Variants in SERINC5 observed in about 807,000 individuals in gnomAD.
SERINC5 encodes the protein serine incorporator 5, also known as chromosome 5 open reading frame 12.
In SERINC5, 41 loss-of-function variants were observed where a neutral mutation model predicts 63.1. The ratio of observed to expected loss-of-function variants is 0.65; its 90% CI spans 0.51 to 0.84. SERINC5 has a LOEUF of 0.84. Among genes scored for constraint, SERINC5 ranks in the 40% least tolerant of loss-of-function variants. SERINC5 has a pLI of 0.00. For synonymous variants in SERINC5, 222 were observed against 215.2 expected (o/e 1.03, Z -0.28); for missense variants, 523 against 573.0 (o/e 0.91, Z 0.89).
chr5:80,222,614 C>G (rs1164768965), intron 1 of SERINC5, among the ~76,000 whole-genome samples: 1 of 150,136 alleles, frequency 6.7e-6, no homozygotes, highest in African/African-American at 2.5e-5. Context: ...CTCTTGTTGT[C>G]CAGGCTGGAG....
At chr5:80,215,817 A>G (rs1750633734) in intron 1 of SERINC5, among the ~76,000 whole-genome samples, 1 of 152,196 alleles carries the variant, frequency 6.6e-6, no homozygotes, top group African/African-American at 2.4e-5. Flanking sequence ...GGGCAAGAAG[A>G]GGCTATGAAC....
intron 1 of SERINC5, among the ~76,000 whole-genome samples, chr5:80,225,058 A>G (rs1488375353): frequency 6.6e-6 from 1 of 151,622 alleles, no homozygotes; most frequent in East Asian, 1.9e-4. Context: ...CTCTTGACTC[A>G]GCCTCCCGAG....
chr5:80,216,543 C>A (rs1166783915), intron 1 of SERINC5, among the ~76,000 whole-genome samples: 1 of 152,222 alleles, frequency 6.6e-6, no homozygotes, highest in Non-Finnish European at 1.5e-5. Context: ...GGAACATTCA[C>A]TGGCACCCAC....
At chr5:80,160,981 T>TATAC in intron 7 of SERINC5, among the ~76,000 whole-genome samples, 1 of 149,246 alleles carries the variant, frequency 6.7e-6, no homozygotes, top group African/African-American at 2.5e-5. Flanking sequence ...TATGTATATA[T>TATAC]GTGTGTATAT....
chr5:80,174,472 C>G (rs913187591), intron 5 of SERINC5, among the ~76,000 whole-genome samples: 1 of 151,722 alleles, frequency 6.6e-6, no homozygotes, highest in African/African-American at 2.4e-5. Context: ...ACCTTTCTAT[C>G]CTACTGTTTT....
chr5:80,146,257 A>G (rs564378640), intron 10 of SERINC5, 23 bp from the exon 11 acceptor site: 1 of 1,613,174 alleles, frequency 6.2e-7, no homozygotes, highest in African/African-American at 1.3e-5. Flanking sequence ...GAGGGAGCCC[A>G]GGCTCAATGA....
chr5:80,221,574 T>A (rs1750908368), intron 1 of SERINC5, among the ~76,000 whole-genome samples: 1 of 152,228 alleles, frequency 6.6e-6, no homozygotes, highest in African/African-American at 2.4e-5. Context: ...TGGCCTTTGT[T>A]TACTTTATCT....
At chr5:80,116,074 G>A in intron 11 of SERINC5, 1 of 343,270 alleles carries the variant, frequency 2.9e-6, no homozygotes, top group Non-Finnish European at 5.7e-6. Context: ...TGGGGCTGAT[G>A]GATGAGGGGT....
chr5:80,252,785 A>G (rs535704828), intron 1 of SERINC5, among the ~76,000 whole-genome samples: 1 of 152,322 alleles, frequency 6.6e-6, no homozygotes, highest in Non-Finnish European at 1.5e-5. Context: ...GAGGGTAAGT[A>G]ACTCATCCAG....
chr5:80,170,788 G>A (rs972432704), intron 5 of SERINC5, among the ~76,000 whole-genome samples: 21 of 152,174 alleles, frequency 1.4e-4, no homozygotes, highest in Non-Finnish European at 2.9e-4. Context: ...GGCCGAGGCA[G>A]GTGAATCACT....
chr5:80,209,371 C>G (rs922103792), intron 1 of SERINC5, among the ~76,000 whole-genome samples: 3 of 152,164 alleles, frequency 2.0e-5, no homozygotes, highest in Non-Finnish European at 4.4e-5. Flanking sequence ...AGGGACAGCA[C>G]AACAACACGG....
At chr5:80,245,110 T>C (rs965100106) in intron 1 of SERINC5, among the ~76,000 whole-genome samples, 1 of 152,238 alleles carries the variant, frequency 6.6e-6, no homozygotes, top group Non-Finnish European at 1.5e-5. Flanking sequence ...CCCTGTTGGC[T>C]ACAGGGAATG....
At position 80,169,397 on chromosome 5, in the gene SERINC5, C is replaced by G; in HGVS notation, c.701G>C (p.Gly234Ala). 2 of 1,613,996 alleles carry G rather than the reference C, an allele frequency of 1.2e-6. No homozygotes were observed. The highest frequency in any genetic ancestry group is 1.1e-5 in the South Asian group (1 of 91,072). Residue 234 changes from glycine to alanine, a missense_variant, in exon 6 of 12, where the codon GGA (glycine) becomes GCA (alanine). Coordinates refer to ENST00000507668, the MANE Select transcript of SERINC5 (RefSeq NM_001174072.3). The part of the protein sequence containing the change: ...DSCMENKILL[G>A]VNGGLCLLIS... Reference sequence around the variant, plus strand: ...AAGCAGGCACAGGCCTCCATTTACTCCCAGCAGAATTTTGTTTTCCATGCA... The same window carrying G: ...AAGCAGGCACAGGCCTCCATTTACTGCCAGCAGAATTTTGTTTTCCATGCA...
intron 11 of SERINC5, among the ~76,000 whole-genome samples, chr5:80,126,852 C>A (rs976435897): frequency 3.9e-5 from 6 of 152,038 alleles, no homozygotes; most frequent in African/African-American, 1.5e-4. Flanking sequence ...CCTTGACCTC[C>A]CAAAGTGATA....
intron 2 of SERINC5, among the ~76,000 whole-genome samples, chr5:80,201,985 C>T (rs1014922030): frequency 6.6e-6 from 1 of 152,112 alleles, no homozygotes; most frequent in African/African-American, 2.4e-5. Flanking sequence ...GCCTGTAATC[C>T]CAGCACTTTT....
chr5:80,202,771 C>G, intron 2 of SERINC5, 115 bp downstream of exon 2: 1 of 1,005,036 alleles, frequency 9.9e-7, no homozygotes, highest in South Asian at 1.9e-5. Flanking sequence ...TCAAGGAAAC[C>G]AGGTATACCC....
chr5:80,127,256 T>C (rs1326053990), intron 11 of SERINC5, among the ~76,000 whole-genome samples: 1 of 152,070 alleles, frequency 6.6e-6, no homozygotes, highest in Non-Finnish European at 1.5e-5. Flanking sequence ...ACCTCAAGAG[T>C]GGCCATGAGA....
At chr5:80,124,285 A>T (rs184430493) in intron 11 of SERINC5, among the ~76,000 whole-genome samples, 1 of 152,258 alleles carries the variant, frequency 6.6e-6, no homozygotes, top group African/African-American at 2.4e-5. Flanking sequence ...AGCATGCCGC[A>T]CTTCTAGCTG....
At position 80,223,519 on chromosome 5, in the gene SERINC5, A is replaced by C. The variant is rs1277835104; in HGVS notation, c.28-20466T>G. Among the ~76,000 whole-genome samples, 4 of 152,286 alleles carry C rather than the reference A, an allele frequency of 2.6e-5. No individual in the cohort carries two copies. The East Asian group carries it at 7.7e-4, about 29-fold the overall frequency. On this transcript the variant is annotated intron_variant, in intron 1 of 11. Coordinates refer to ENST00000507668, the MANE Select transcript of SERINC5 (RefSeq NM_001174072.3). ...ATACAGAGGGCTGACTATATATATC[A>C]TCATATTCTTTTATAAAATTATAAC... is the stretch of plus-strand genomic sequence containing the variant.
Sources: gnomAD v4.1 joint callset for allele counts (sites outside exome capture counted in the v4.1 genomes callset) on GRCh38, gnomAD v4.1.1 for gene constraint, MANE v1.5 for transcripts, NCBI Gene and HGNC (gene_info 2026-07-23, HGNC 2026-07-21) for gene names.